CSMD3: variants seen among roughly 807,000 people sequenced by gnomAD.
CSMD3 encodes the protein CUB and sushi domain-containing protein 3.
A neutral mutation model predicts 435.2 loss-of-function variants in CSMD3; 177 were observed. The observed-to-expected ratio is 0.41, with a 90% CI of 0.36 to 0.46. The LOEUF (loss-of-function observed/expected upper bound fraction) is 0.46. Among genes scored for constraint, CSMD3 ranks in the 20% least tolerant of loss-of-function variants. CSMD3 has a pLI of 0.34. For missense variants in CSMD3, 4,265 were observed against 4,504.6 expected, an observed-to-expected ratio of 0.95 and a Z score of 1.52; for synonymous variants, 1,656 against 1,520.5, an observed-to-expected ratio of 1.09 and a Z score of -2.07.
chr8:112,354,524 C>A (rs1586856861), intron 38 of CSMD3, among the ~76,000 whole-genome samples: 1 of 152,234 alleles, frequency 6.6e-6, no homozygotes, highest in Middle Eastern at 3.4e-3. Context: ...AATCAATGCA[C>A]AAAAATTAGT....
chr8:112,803,897 C>T (rs1245148040), intron 12 of CSMD3, among the ~76,000 whole-genome samples: 2 of 152,168 alleles, frequency 1.3e-5, no homozygotes, highest in East Asian at 3.9e-4. Flanking sequence ...GTTCTGCAAT[C>T]AGCAGACTCC....
At chr8:113,332,845 A>G (rs531831696) in intron 1 of CSMD3, among the ~76,000 whole-genome samples, 3 of 151,858 alleles carry the variant, frequency 2.0e-5, no homozygotes, top group East Asian at 3.9e-4. Context: ...TGGAAAAAAA[A>G]TTAGATGATA....
At chr8:112,349,052 T>C (rs1410068869) in intron 40 of CSMD3, among the ~76,000 whole-genome samples, 1 of 152,012 alleles carries the variant, frequency 6.6e-6, no homozygotes, top group Non-Finnish European at 1.5e-5. Context: ...AGTGACATAA[T>C]TAATCTATTT....
At chr8:112,748,180 G>A (rs934917996) in intron 13 of CSMD3, among the ~76,000 whole-genome samples, 3 of 152,080 alleles carry the variant, frequency 2.0e-5, no homozygotes, top group Non-Finnish European at 2.9e-5. Context: ...AGAAGAGATA[G>A]AAAATCTGAG....
intron 13 of CSMD3, among the ~76,000 whole-genome samples, chr8:112,735,382 G>C (rs2077164939): frequency 6.6e-6 from 1 of 151,954 alleles, no homozygotes; most frequent in African/African-American, 2.4e-5. Context: ...TCAGATCCCA[G>C]TGGGAGTTCC....
At chr8:113,076,048 A>G (rs2089321220) in intron 5 of CSMD3, among the ~76,000 whole-genome samples, 1 of 151,778 alleles carries the variant, frequency 6.6e-6, no homozygotes, top group African/African-American at 2.4e-5. Context: ...GTTATCTTTG[A>G]AATGGAATTT....
At chr8:112,999,863 A>G (rs1304220241) in intron 6 of CSMD3, among the ~76,000 whole-genome samples, 18 of 152,052 alleles carry the variant, frequency 1.2e-4, no homozygotes, top group Non-Finnish European at 2.9e-5. Context: ...AAAGACTGGA[A>G]TGAGCAGACC....
In CSMD3 at chr8:113,060,016, A is replaced by G. The variant is rs184886274; in HGVS notation, c.917+38740T>C. On this transcript the variant is annotated intron_variant, in intron 5 of 70. Transcript: ENST00000297405. ...ATTTATTTTTTTTTTATTATACTCT[A>G]AGTTTTAGGGTACATGTGCACATTG... Among the ~76,000 whole-genome samples, 632 of 146,942 alleles carry G rather than the reference A, an allele frequency of 4.3e-3. 1 individual carries two copies. Among genetic ancestry groups the G allele is most frequent in the African/African-American group, 0.014 (557 of 39,578 alleles).
chr8:113,252,231 G>A (rs116104551), intron 3 of CSMD3, among the ~76,000 whole-genome samples: 50 of 151,928 alleles, frequency 3.3e-4, no homozygotes, highest in African/African-American at 1.2e-3. Context: ...TCTCCCTGAT[G>A]GAATAAATAC....
intron 2 of CSMD3, among the ~76,000 whole-genome samples, chr8:113,280,281 T>C (rs1460506500): frequency 1.3e-5 from 2 of 151,930 alleles, no homozygotes; most frequent in Non-Finnish European, 2.9e-5. Context: ...CTGCTGTGAA[T>C]CTGTCTGGTC....
intron 18 of CSMD3, among the ~76,000 whole-genome samples, chr8:112,655,798 T>C (rs978225454): frequency 1.6e-4 from 24 of 152,066 alleles, no homozygotes; most frequent in African/African-American, 5.3e-4. Flanking sequence ...ATTTGTGAAG[T>C]AAATGCTAAA....
intron 59 of CSMD3, among the ~76,000 whole-genome samples, chr8:112,280,024 T>C (rs2130565736): frequency 6.6e-6 from 1 of 152,278 alleles, no homozygotes; most frequent in African/African-American, 2.4e-5. Context: ...AACAAATTCA[T>C]TTGACCCATT....
intron 32 of CSMD3, among the ~76,000 whole-genome samples, chr8:112,423,128 C>T (rs1284319561): frequency 2.6e-5 from 4 of 152,012 alleles, no homozygotes; most frequent in Non-Finnish European, 5.9e-5. Context: ...AAAGACTTTC[C>T]TTTGATAGTT....
intron 1 of CSMD3, among the ~76,000 whole-genome samples, chr8:113,315,902 T>C (rs569021443): frequency 1.1e-3 from 169 of 151,650 alleles, no homozygotes; most frequent in African/African-American, 3.9e-3. Flanking sequence ...TATTTGTAGT[T>C]GAGACGGGGT....
chr8:112,467,704 A>G (rs1818101131), intron 32 of CSMD3, among the ~76,000 whole-genome samples: 1 of 152,126 alleles, frequency 6.6e-6, no homozygotes. Flanking sequence ...AGGTGGTGTC[A>G]TTATAAGAGC....
intron 32 of CSMD3, among the ~76,000 whole-genome samples, chr8:112,411,445 T>C (rs1035783097): frequency 1.3e-5 from 2 of 151,910 alleles, no homozygotes; most frequent in Non-Finnish European, 2.9e-5. Flanking sequence ...CAATCAACTC[T>C]GCATTAATAT....
intron 12 of CSMD3, among the ~76,000 whole-genome samples, chr8:112,811,312 A>C (rs553348051): frequency 9.2e-5 from 14 of 152,134 alleles, no homozygotes; most frequent in Admixed American, 1.3e-4. Context: ...GAACTCCCCC[A>C]ACCCCCCTTC....
At chr8:112,681,376 G>C (rs1273267890) in intron 16 of CSMD3, among the ~76,000 whole-genome samples, 1 of 151,756 alleles carries the variant, frequency 6.6e-6, no homozygotes, top group African/African-American at 2.4e-5. Context: ...TAATAAAATA[G>C]ATATGTATTA....
At chr8:113,225,767 G>A (rs919250890) in intron 3 of CSMD3, among the ~76,000 whole-genome samples, 6 of 151,414 alleles carry the variant, frequency 4.0e-5, no homozygotes, top group African/African-American at 1.5e-4. Context: ...CTGTACCTGC[G>A]AGTCTCCAGA....
Sources: allele counts gnomAD v4.1 joint callset (sites outside exome capture counted in the v4.1 genomes callset), GRCh38; gene constraint gnomAD v4.1.1; transcripts MANE v1.5; gene names NCBI Gene and HGNC (gene_info 2026-07-23, HGNC 2026-07-21).